The following PRKX variants were observed in gnomAD, a reference collection of about 807,000 sequenced individuals.
PRKX encodes cAMP-dependent protein kinase catalytic subunit PRKX.
A neutral mutation model predicts 22.0 loss-of-function variants in PRKX; 12 were observed. The observed-to-expected ratio is 0.54, with a 90% CI of 0.35 to 0.88. The LOEUF (loss-of-function observed/expected upper bound fraction) is 0.88. PRKX is among the 40% of genes least tolerant of loss of function. PRKX has a pLI of 0.01. For missense variants in PRKX, 217 were observed against 308.0 expected (o/e 0.70, Z 2.21); for synonymous variants, 134 against 137.7 (o/e 0.97, Z 0.19).
At chrX:3,692,116 G>C (rs748814097) in intron 1 of PRKX, among the ~76,000 whole-genome samples, 1 of 100,936 alleles carries the variant, frequency 9.9e-6, no homozygotes, top group African/African-American at 3.6e-5. Context: ...CGAGAGTGGG[G>C]AGGGGAGAGA....
chrX:3,642,450 A>T (rs1285837494), intron 3 of PRKX, among the ~76,000 whole-genome samples: 1 of 109,811 alleles, frequency 9.1e-6, no homozygotes, highest in Non-Finnish European at 1.9e-5. Flanking sequence ...AGAGAGGGGG[A>T]AAAGCAGACA....
chrX:3,618,302 A>T, intron 6 of PRKX, among the ~76,000 whole-genome samples: 1 of 110,708 alleles, frequency 9.0e-6, no homozygotes, highest in Non-Finnish European at 1.9e-5. Flanking sequence ...ATAACTAATG[A>T]TGTATTCTCA....
rs749883229 is a variant in PRKX at position 3,626,358 on chromosome X, C to T, written c.815+61G>A. On this transcript the variant is annotated intron_variant, in intron 5 of 8. Transcript: ENST00000262848. ...GTATCCTGCTGAGTGCGTGCTTTCA[C>T]GGTGATTTTAGACACTTTAAAAATA... The T allele has an allele frequency of 2.0e-4, 189 of 943,179 alleles. No homozygotes were observed. The African/African-American group carries it at 3.0e-3, about 15-fold the overall frequency. The allele number at this position is 943,179 out of a possible 1,213,427, so 77.7% of individuals were successfully genotyped here. A position where few individuals can be genotyped will look rare whatever the true frequency, so the allele number is the denominator to read the frequency against.
intron 3 of PRKX, 152 bp downstream of exon 3, chrX:3,654,997 A>G: frequency 1.2e-6 from 1 of 821,915 alleles, no homozygotes; most frequent in Non-Finnish European, 1.7e-6. Context: ...CTGTGGGTCA[A>G]CCTGGCTCTC....
intron 3 of PRKX, among the ~76,000 whole-genome samples, chrX:3,649,641 A>G (rs1603473958): frequency 2.3e-4 from 1 of 4,278 alleles, no homozygotes; most frequent in African/African-American, 9.8e-4. Context: ...AGGCGAGGGG[A>G]GGGGAGGGGA....
chrX:3,654,457 GTTTT>G (rs746800596), intron 3 of PRKX, among the ~76,000 whole-genome samples: 18 of 43,334 alleles, frequency 4.2e-4, no homozygotes, highest in African/African-American at 8.0e-4. Flanking sequence ...ATTCAATTTG[GTTTT>G]TTTTTTTTTT....
chrX:3,667,316 C>T (rs1382452573), intron 2 of PRKX: 2 of 111,520 alleles, frequency 1.8e-5, no homozygotes, highest in African/African-American at 6.5e-5. Flanking sequence ...GACGCCTTAC[C>T]GTAGAAGTTG....
chrX:3,689,700 G>T (rs775543923), intron 1 of PRKX, among the ~76,000 whole-genome samples: 3 of 111,180 alleles, frequency 2.7e-5, no homozygotes, highest in Non-Finnish European at 5.7e-5. Context: ...TGAATGGGCT[G>T]GGCGCGGTGG....
chrX:3,686,444 C>T lies in PRKX; in HGVS notation c.167-11678G>A, dbSNP rs780147822. 5.9e-4 allele frequency among the ~76,000 whole-genome samples: 64 copies of T among 108,104 alleles called. 1 individual carries two copies. The highest frequency in any genetic ancestry group is 1.8e-3 in the African/African-American group (54 of 29,504). The allele number at this position is 108,104 out of a possible 115,157, so 93.9% of individuals were successfully genotyped here. On this transcript the variant is annotated intron_variant, in intron 1 of 8. Transcript: ENST00000262848. ...TGGACATGGGGTCTCACTCTGTTGC[C>T]CAGGCTGGTCTTGAACTCCTGGCTT...
At chrX:3,705,109 C>T (rs1268606490) in intron 1 of PRKX, among the ~76,000 whole-genome samples, 3 of 111,691 alleles carry the variant, frequency 2.7e-5, no homozygotes, top group Non-Finnish European at 5.6e-5. Context: ...TCACAAAACA[C>T]GGCAGACTGG....
At chrX:3,686,370 T>C in intron 1 of PRKX, among the ~76,000 whole-genome samples, 1 of 109,605 alleles carries the variant, frequency 9.1e-6, no homozygotes, top group Admixed American at 9.9e-5. Flanking sequence ...GGAAACAATG[T>C]CTCTACTTAC....
chrX:3,709,844 G>A (rs1449260409), intron 1 of PRKX, among the ~76,000 whole-genome samples: 1 of 109,467 alleles, frequency 9.1e-6, no homozygotes, highest in African/African-American at 3.3e-5. Context: ...GCTGGAGTAC[G>A]GTGGCGCGAT....
rs1006319466 is a variant in PRKX at position 3,632,131 on chromosome X, G to A, written c.720-5617C>T. 6.2e-5 allele frequency among the ~76,000 whole-genome samples: 7 copies of A among 112,073 alleles called. No homozygotes were observed. The East Asian group carries it at 8.4e-4, about 13-fold the overall frequency. ...CAGAGAAAGGTAAATGATTAGGTGC[G>A]TGCGACGTGGCCCTAACACAGCATT... On this transcript the variant is annotated intron_variant, in intron 4 of 8. Coordinates refer to ENST00000262848, the MANE Select transcript of PRKX (RefSeq NM_005044.5).
At chrX:3,651,304 T>C (rs6641821) in intron 3 of PRKX, among the ~76,000 whole-genome samples, 34,299 of 111,319 alleles carry the variant, frequency 0.31, 4,439 homozygotes, top group East Asian at 0.6. Context: ...TTTAAATAGA[T>C]ATGATGAATT....
At chrX:3,663,935 A>T (rs910319030) in intron 2 of PRKX, among the ~76,000 whole-genome samples, 9 of 111,896 alleles carry the variant, frequency 8.0e-5, no homozygotes, top group African/African-American at 2.6e-4. Context: ...TCTTGAGACC[A>T]GCAAGACAGC....
At chrX:3,615,569 G>A (rs779837079) in intron 7 of PRKX, among the ~76,000 whole-genome samples, 9 of 111,749 alleles carry the variant, frequency 8.1e-5, no homozygotes, top group Non-Finnish European at 1.3e-4. Flanking sequence ...AGGGATGAAT[G>A]GACAAAGAAC....
chrX:3,692,367 G>A (rs1046043962), intron 1 of PRKX, among the ~76,000 whole-genome samples: 5 of 109,879 alleles, frequency 4.6e-5, no homozygotes, highest in South Asian at 4.0e-4. Flanking sequence ...GGGGAAGGCC[G>A]GCCCCCAGTT....
rs758760310 is a variant in PRKX, at chrX:3,687,064, A to G, written c.167-12298T>C. On this transcript the variant is annotated intron_variant, in intron 1 of 8. Coordinates refer to ENST00000262848, the MANE Select transcript of PRKX (RefSeq NM_005044.5). Reference sequence around the variant, plus strand: ...AGAGACAGGTCTCACTCTGTGCCACAGGCTAGAGTGCAGTGATGCAATCTC... The same window carrying G: ...AGAGACAGGTCTCACTCTGTGCCACGGGCTAGAGTGCAGTGATGCAATCTC... 2.7e-5 allele frequency among the ~76,000 whole-genome samples: 3 copies of G among 111,388 alleles called. No homozygotes were observed. In the East Asian group the frequency reaches 8.5e-4, roughly 32 times the overall value.
chrX:3,639,799 C>T (rs1927030511), intron 4 of PRKX, among the ~76,000 whole-genome samples: 1 of 110,865 alleles, frequency 9.0e-6, no homozygotes, highest in African/African-American at 3.3e-5. Context: ...TGGGAATTAA[C>T]GGATTCACTT....
Sources: gnomAD v4.1 joint callset for allele counts (sites outside exome capture counted in the v4.1 genomes callset) on GRCh38, gnomAD v4.1.1 for gene constraint, MANE v1.5 for transcripts, NCBI Gene and HGNC (gene_info 2026-07-23, HGNC 2026-07-21) for gene names.